TMEM108: variants seen among roughly 807,000 people sequenced by gnomAD.
The protein encoded by TMEM108 is transmembrane protein 108, also known as cancer/testis antigen 124.
TMEM108 carries 12 observed loss-of-function variants against 35.1 expected under a neutral mutation model. That is an observed-to-expected ratio of 0.34 (90% CI 0.22 to 0.55). The LOEUF is 0.55. Ranked by LOEUF, TMEM108 falls within the 20% of genes least tolerant of loss-of-function variation. The pLI is 0.89. For missense variants in TMEM108, 680 were observed against 753.3 expected, an observed-to-expected ratio of 0.90 and a Z score of 1.14; for synonymous variants, 287 against 308.6, an observed-to-expected ratio of 0.93 and a Z score of 0.73.
chr3:133,166,529 C>A (rs1297610606), intron 2 of TMEM108, among the ~76,000 whole-genome samples: 1 of 152,170 alleles, frequency 6.6e-6, no homozygotes, highest in Non-Finnish European at 1.5e-5. Context: ...TTCGGAGTTT[C>A]TTCCTTCTGG....
intron 2 of TMEM108, among the ~76,000 whole-genome samples, chr3:133,227,994 G>A (rs1408016440): frequency 6.6e-6 from 1 of 152,168 alleles, no homozygotes; most frequent in Non-Finnish European, 1.5e-5. Context: ...CAAATCCATA[G>A]AGACAATAGA....
intron 3 of TMEM108, among the ~76,000 whole-genome samples, chr3:133,310,461 C>T (rs1485872393): frequency 6.8e-6 from 1 of 147,110 alleles, no homozygotes; most frequent in African/African-American, 2.5e-5. Context: ...ATGTAATGGC[C>T]TTCTTTGTCT....
intron 3 of TMEM108, among the ~76,000 whole-genome samples, chr3:133,359,073 A>G (rs751619029): frequency 6.6e-6 from 1 of 152,228 alleles, no homozygotes; most frequent in Non-Finnish European, 1.5e-5. Flanking sequence ...GGCAAAATTG[A>G]GTACTGTAAT....
intron 5 of TMEM108, among the ~76,000 whole-genome samples, chr3:133,395,498 G>T (rs1434436897): frequency 6.6e-6 from 1 of 152,210 alleles, no homozygotes; most frequent in Admixed American, 6.5e-5. Context: ...CACTAGTGCA[G>T]TGAGCCATGC....
intron 4 of TMEM108, chr3:133,388,370 A>G: frequency 1.1e-6 from 1 of 946,492 alleles, no homozygotes; most frequent in South Asian, 4.9e-5. Context: ...TTTAGGCCAC[A>G]GTTTTTCCTC....
intron 2 of TMEM108, among the ~76,000 whole-genome samples, chr3:133,114,568 C>CTTTATGCCAGCATTTGTCA (rs1944265091): frequency 6.6e-6 from 1 of 152,246 alleles, no homozygotes; most frequent in East Asian, 1.9e-4. Context: ...TGCTGCTCTC[C>CTTTATGCCAGCATTTGTCA]TTTATGCCAG....
At chr3:133,393,441 A>G (rs1308443388) in intron 5 of TMEM108, among the ~76,000 whole-genome samples, 1 of 152,248 alleles carries the variant, frequency 6.6e-6, no homozygotes, top group Non-Finnish European at 1.5e-5. Flanking sequence ...CACCTGGAGC[A>G]GTGCCTGGCA....
chr3:133,075,210 T>C (rs574911175), intron 2 of TMEM108, among the ~76,000 whole-genome samples: 13 of 152,310 alleles, frequency 8.5e-5, no homozygotes, highest in African/African-American at 2.9e-4. Context: ...TGCTTTTGAT[T>C]GCACATCAAC....
At chr3:133,145,013 G>C (rs1944696891) in intron 2 of TMEM108, among the ~76,000 whole-genome samples, 1 of 152,106 alleles carries the variant, frequency 6.6e-6, no homozygotes, top group Admixed American at 6.5e-5. Context: ...ATTGCTTTTG[G>C]TGTTTTAGTC....
At position 133,389,916 on chromosome 3, in the gene TMEM108, TTGA is replaced by T. The variant is rs33928925; in HGVS notation, c.1451-244_1451-242del. ...TATATAACTATTAACACAGGATTTT[TTGA>T]TGATGATGATGATGATGATAGTACC... On this transcript the variant is annotated intron_variant, in intron 4 of 5. Transcript: ENST00000321871. Among the ~76,000 whole-genome samples the T allele has an allele frequency of 4.4e-4, 66 of 151,216 alleles. No individual in the cohort carries two copies. In the South Asian group the frequency reaches 9.6e-3, roughly 22 times the overall value.
At chr3:133,055,824 C>A (rs1191681984) in intron 2 of TMEM108, among the ~76,000 whole-genome samples, 1 of 152,170 alleles carries the variant, frequency 6.6e-6, no homozygotes, top group Admixed American at 6.5e-5. Context: ...AATATGCTTC[C>A]CTGACTATCA....
intron 3 of TMEM108, among the ~76,000 whole-genome samples, chr3:133,340,070 A>T (rs2071615914): frequency 6.6e-6 from 1 of 151,770 alleles, no homozygotes; most frequent in African/African-American, 2.4e-5. Context: ...AACAAATCCA[A>T]AATCAGTAGA....
chr3:133,051,334 TA>T (rs1232545920), intron 2 of TMEM108, among the ~76,000 whole-genome samples: 1 of 152,140 alleles, frequency 6.6e-6, no homozygotes, highest in Non-Finnish European at 1.5e-5. Flanking sequence ...AGATATCTGT[TA>T]AGGTCTTTGG....
intron 2 of TMEM108, among the ~76,000 whole-genome samples, chr3:133,091,157 A>G (rs945738525): frequency 1.3e-5 from 2 of 152,180 alleles, no homozygotes; most frequent in Non-Finnish European, 2.9e-5. Context: ...AATATTTCCT[A>G]GATTCTTAGA....
chr3:133,342,555 T>TATATATATATATAC lies in TMEM108; in HGVS notation c.41-37196_41-37195insTATATATATATACA, dbSNP rs60991711. ...AAAAAGAAAATGTGGTATATATATA[T>TATATATATATATAC]ACACACACACACACAATGGAGTACT... On this transcript the variant is annotated intron_variant, in intron 3 of 5. Transcript: ENST00000321871. 1.7e-3 allele frequency among the ~76,000 whole-genome samples: 110 copies of TATATATATATATAC among 63,438 alleles called. 11 individuals are homozygous for TATATATATATATAC. Among genetic ancestry groups the TATATATATATATAC allele is most frequent in the Middle Eastern group, 8.2e-3 (1 of 122 alleles). 41.6% of individuals were successfully genotyped at this position (63,438 alleles called of 152,430 possible).
At chr3:133,256,237 T>A (rs543363056) in intron 3 of TMEM108, among the ~76,000 whole-genome samples, 17 of 152,302 alleles carry the variant, frequency 1.1e-4, no homozygotes, top group Non-Finnish European at 2.5e-4. Context: ...CAAATAATCA[T>A]TAAAGCACGA....
intron 3 of TMEM108, among the ~76,000 whole-genome samples, chr3:133,261,153 T>A (rs1372553352): frequency 6.6e-6 from 1 of 152,188 alleles, no homozygotes; most frequent in Non-Finnish European, 1.5e-5. Flanking sequence ...GTGGTACCTG[T>A]TTCATTCATT....
At chr3:133,382,905 C>G (rs1576537212) in intron 4 of TMEM108, among the ~76,000 whole-genome samples, 1 of 152,222 alleles carries the variant, frequency 6.6e-6, no homozygotes, top group African/African-American at 2.4e-5. Context: ...CATGTCAGGG[C>G]TGGGCAAACT....
At chr3:133,089,402 C>T (rs963992701) in intron 2 of TMEM108, among the ~76,000 whole-genome samples, 28 of 152,150 alleles carry the variant, frequency 1.8e-4, no homozygotes, top group Non-Finnish European at 3.8e-4. Flanking sequence ...ATAAATTTTA[C>T]TCTCATGTCC....
Sources: gnomAD v4.1 joint callset for allele counts (sites outside exome capture counted in the v4.1 genomes callset) on GRCh38, gnomAD v4.1.1 for gene constraint, MANE v1.5 for transcripts, NCBI Gene and HGNC (gene_info 2026-07-23, HGNC 2026-07-21) for gene names.